Variants in IQCM observed in about 807,000 individuals in gnomAD.
IQCM encodes the protein IQ motif containing M, also known as IQ domain-containing protein M.
Under a neutral mutation model 57.6 loss-of-function variants are expected in IQCM, and 45 were observed. That is an observed-to-expected ratio of 0.78 (90% CI 0.62 to 1.00). The LOEUF is 1.00. Ranked by LOEUF, IQCM falls within the 50% of genes least tolerant of loss-of-function variation. The pLI, the probability that IQCM is intolerant of heterozygous loss-of-function variation, is 0.00. For missense variants in IQCM, 468 were observed against 511.6 expected, an observed-to-expected ratio of 0.91 and a Z score of 0.82; for synonymous variants, 148 against 158.9, an observed-to-expected ratio of 0.93 and a Z score of 0.51.
intron 7 of IQCM, among the ~76,000 whole-genome samples, chr4:149,648,556 C>G (rs1261452289): frequency 6.6e-6 from 1 of 152,072 alleles, no homozygotes; most frequent in Admixed American, 6.6e-5. Context: ...GGGTGTATAC[C>G]CAGTAATGGG....
chr4:149,670,602 T>G (rs1761171107), intron 7 of IQCM, among the ~76,000 whole-genome samples: 1 of 152,182 alleles, frequency 6.6e-6, no homozygotes, highest in Non-Finnish European at 1.5e-5. Context: ...AGTATCATAT[T>G]GGCTGTGGGT....
chr4:149,761,528 T>C (rs760513190), intron 2 of IQCM, among the ~76,000 whole-genome samples: 1 of 152,120 alleles, frequency 6.6e-6, no homozygotes, highest in Non-Finnish European at 1.5e-5. Flanking sequence ...CAGAAGTCTT[T>C]CTTCTCCTGT....
At chr4:149,796,768 T>C (rs1773153218) in intron 2 of IQCM, among the ~76,000 whole-genome samples, 1 of 152,156 alleles carries the variant, frequency 6.6e-6, no homozygotes, top group South Asian at 2.1e-4. Flanking sequence ...CAAGAATGTC[T>C]ACCTGGTAAT....
At chr4:149,528,259 T>C (rs138205280) in intron 12 of IQCM, among the ~76,000 whole-genome samples, 3,487 of 152,202 alleles carry the variant, frequency 0.023, 102 homozygotes, top group South Asian at 0.14. Flanking sequence ...GTGCTGGGAT[T>C]ACAGGCGTGA....
intron 12 of IQCM, among the ~76,000 whole-genome samples, chr4:149,446,381 CAA>C (rs970588464): frequency 5.9e-5 from 9 of 151,776 alleles, no homozygotes; most frequent in African/African-American, 2.2e-4. Context: ...ATGCTCCATT[CAA>C]AAGAGCTTAC....
chr4:149,539,593 G>T (rs1747648706), intron 12 of IQCM, among the ~76,000 whole-genome samples: 1 of 152,100 alleles, frequency 6.6e-6, no homozygotes, highest in Non-Finnish European at 1.5e-5. Flanking sequence ...AATTGGCCAG[G>T]AGTGGTGGCT....
At chr4:149,525,376 T>C (rs1009964700) in intron 12 of IQCM, among the ~76,000 whole-genome samples, 2 of 151,910 alleles carry the variant, frequency 1.3e-5, no homozygotes, top group African/African-American at 2.4e-5. Flanking sequence ...AAATATGTGA[T>C]TCATAAATGT....
At chr4:149,470,140 A>G (rs1339335230) in intron 12 of IQCM, among the ~76,000 whole-genome samples, 1 of 152,224 alleles carries the variant, frequency 6.6e-6, no homozygotes, top group Admixed American at 6.5e-5. Flanking sequence ...CCTTAAATGT[A>G]AATGGGCTAA....
intron 7 of IQCM, among the ~76,000 whole-genome samples, chr4:149,664,127 C>G (rs1760475865): frequency 6.6e-6 from 1 of 152,044 alleles, no homozygotes; most frequent in Non-Finnish European, 1.5e-5. Flanking sequence ...TTCTTCAGCT[C>G]TAAGATTTCT....
At chr4:149,624,290 A>G (rs1388122760) in intron 7 of IQCM, among the ~76,000 whole-genome samples, 3 of 152,234 alleles carry the variant, frequency 2.0e-5, no homozygotes, top group African/African-American at 7.2e-5. Context: ...ACATAAAGAA[A>G]CAGAAAATCC....
intron 7 of IQCM, among the ~76,000 whole-genome samples, chr4:149,648,023 T>C (rs1579839831): frequency 2.6e-5 from 4 of 152,340 alleles, no homozygotes; most frequent in African/African-American, 7.2e-5. Context: ...CTAACAAATA[T>C]GTTCATTGAC....
At chr4:149,479,965 A>T (rs192605568) in intron 12 of IQCM, among the ~76,000 whole-genome samples, 5 of 152,332 alleles carry the variant, frequency 3.3e-5, no homozygotes, top group Admixed American at 3.3e-4. Context: ...ATTAAGTGTG[A>T]ATACACATGT....
intron 12 of IQCM, among the ~76,000 whole-genome samples, chr4:149,441,382 T>C (rs977816506): frequency 2.0e-5 from 3 of 152,080 alleles, no homozygotes; most frequent in Admixed American, 2.0e-4. Flanking sequence ...GAATAAGCAA[T>C]TCCTATTCAA....
At chr4:149,739,738 G>A (rs534023783) in intron 3 of IQCM, among the ~76,000 whole-genome samples, 2 of 152,116 alleles carry the variant, frequency 1.3e-5, no homozygotes, top group African/African-American at 4.8e-5. Context: ...TAAGACATGA[G>A]TGCAAATACT....
rs865965485 is a variant in IQCM, at chr4:149,389,674, C to T, written c.1391-37608G>A. 1.3e-4 allele frequency among the ~76,000 whole-genome samples: 17 copies of T among 131,048 alleles called. No homozygotes were observed. The South Asian group carries it at 1.4e-3, about 11-fold the overall frequency. The allele number at this position is 131,048 out of a possible 152,430, so 86.0% of individuals were successfully genotyped here. On this transcript the variant is annotated intron_variant, in intron 13 of 13. Coordinates refer to ENST00000636793, the MANE Select transcript of IQCM (RefSeq NM_001363507.2). Reference sequence around the variant, plus strand: ...ACAGAACAATGAGAACACATGGACACGGGAAGGGGAACATCACACTCTGGG... The same window carrying T: ...ACAGAACAATGAGAACACATGGACATGGGAAGGGGAACATCACACTCTGGG...
At chr4:149,618,282 T>C (rs1329939063) in intron 8 of IQCM, among the ~76,000 whole-genome samples, 3 of 152,032 alleles carry the variant, frequency 2.0e-5, no homozygotes, top group African/African-American at 4.8e-5. Flanking sequence ...ATGGTGCTGG[T>C]AAAATTGGAA....
At chr4:149,516,563 G>C (rs940516006) in intron 12 of IQCM, among the ~76,000 whole-genome samples, 1 of 152,114 alleles carries the variant, frequency 6.6e-6, no homozygotes. Flanking sequence ...TTCAGGGCTG[G>C]AGCAAAGTTC....
chr4:149,649,740 G>C (rs1758983473), intron 7 of IQCM, among the ~76,000 whole-genome samples: 1 of 152,004 alleles, frequency 6.6e-6, no homozygotes, highest in Admixed American at 6.6e-5. Flanking sequence ...AACTTTTAAA[G>C]ACTTACTAAG....
At chr4:149,465,246 T>A (rs1000463698) in intron 12 of IQCM, among the ~76,000 whole-genome samples, 3 of 152,190 alleles carry the variant, frequency 2.0e-5, no homozygotes, top group Non-Finnish European at 4.4e-5. Flanking sequence ...ATCAATTGAT[T>A]AACAGAAGAT....
Sources: allele counts gnomAD v4.1 joint callset (sites outside exome capture counted in the v4.1 genomes callset), GRCh38; gene constraint gnomAD v4.1.1; transcripts MANE v1.5; gene names NCBI Gene and HGNC (gene_info 2026-07-23, HGNC 2026-07-21).